ADARB2: variants seen among roughly 807,000 people sequenced by gnomAD.
ADARB2 encodes inactive double-stranded RNA-specific editase B2.
Under a neutral mutation model 62.2 loss-of-function variants are expected in ADARB2, and 25 were observed. The observed-to-expected ratio is 0.40, with a 90% CI of 0.29 to 0.56. The LOEUF (loss-of-function observed/expected upper bound fraction) is 0.56. Ranked by LOEUF, ADARB2 falls within the 20% of genes least tolerant of loss-of-function variation. The pLI, the probability that ADARB2 is intolerant of heterozygous loss-of-function variation, is 0.43. For synonymous variants in ADARB2, 572 were observed against 500.8 expected (o/e 1.14, Z -1.90); for missense variants, 1,071 against 1,077.4 (o/e 0.99, Z 0.08).
At chr10:1,226,979 G>T (rs1327959960) in intron 6 of ADARB2, among the ~76,000 whole-genome samples, 4 of 152,244 alleles carry the variant, frequency 2.6e-5, no homozygotes, top group African/African-American at 9.6e-5. Context: ...CTTTTTGTTT[G>T]TCTGTTCCCT....
intron 1 of ADARB2, among the ~76,000 whole-genome samples, chr10:1,675,722 G>A (rs1411911648): frequency 2.0e-5 from 3 of 152,148 alleles, no homozygotes; most frequent in Admixed American, 6.5e-5. Context: ...ATGCATGGAT[G>A]TTCTGGCTGA....
intron 3 of ADARB2, among the ~76,000 whole-genome samples, chr10:1,346,397 G>A (rs1832081532): frequency 1.3e-5 from 2 of 152,166 alleles, no homozygotes; most frequent in African/African-American, 2.4e-5. Context: ...TGTGAACACA[G>A]GTGCCCTCCA....
intron 1 of ADARB2, among the ~76,000 whole-genome samples, chr10:1,469,531 A>G (rs998820387): frequency 2.0e-4 from 30 of 152,262 alleles, no homozygotes; most frequent in Admixed American, 7.2e-4. Context: ...GTCCCAAATT[A>G]TGAAAACCTC....
intron 3 of ADARB2, among the ~76,000 whole-genome samples, chr10:1,333,950 T>A (rs1831950840): frequency 6.6e-6 from 1 of 152,216 alleles, no homozygotes. Context: ...ACCCCAGTGG[T>A]CTTTTTACAA....
At chr10:1,428,863 G>GGA (rs1830746430) in intron 1 of ADARB2, among the ~76,000 whole-genome samples, 1 of 149,026 alleles carries the variant, frequency 6.7e-6, no homozygotes, top group Admixed American at 6.7e-5. Flanking sequence ...ATACACACAC[G>GGA]GACACACACA....
At chr10:1,615,967 C>T (rs1243527669) in intron 1 of ADARB2, among the ~76,000 whole-genome samples, 1 of 152,180 alleles carries the variant, frequency 6.6e-6, no homozygotes, top group East Asian at 1.9e-4. Context: ...AAATTGGATT[C>T]TACTAGAAGG....
rs1476483636 is a variant in ADARB2 at position 1,540,489 on chromosome 10, TCAGACCC to T, written c.101-161336_101-161330del. ...CGCCCAGACCCCACTCAGACGTAGT[TCAGACCC>T]TGGATCACAGCCGCCCAGACCCCAC... is the stretch of plus-strand genomic sequence containing the variant. On this transcript the variant is annotated intron_variant, in intron 1 of 9. Coordinates refer to ENST00000381312, the MANE Select transcript of ADARB2 (RefSeq NM_018702.4). Among the ~76,000 whole-genome samples, 193 of 116,412 alleles carry T rather than the reference TCAGACCC, an allele frequency of 1.7e-3. 3 individuals carry two copies. The highest frequency in any genetic ancestry group is 3.7e-3 in the African/African-American group (125 of 33,458). The allele number at this position is 116,412 out of a possible 152,430, so 76.4% of individuals were successfully genotyped here. A position where few individuals can be genotyped will look rare whatever the true frequency, so the allele number is the denominator to read the frequency against.
intron 1 of ADARB2, among the ~76,000 whole-genome samples, chr10:1,543,159 G>A (rs935920974): frequency 7.2e-5 from 11 of 152,210 alleles, no homozygotes; most frequent in African/African-American, 1.2e-4. Flanking sequence ...GCGTTCCCAC[G>A]GTGCAGGATG....
At chr10:1,657,959 G>GAT (rs1834192922) in intron 1 of ADARB2, among the ~76,000 whole-genome samples, 1 of 147,788 alleles carries the variant, frequency 6.8e-6, no homozygotes, top group Admixed American at 6.9e-5. Context: ...GTCTGTGTCT[G>GAT]CCTCAGTCTC....
At chr10:1,695,642 C>A (rs1834729732) in intron 1 of ADARB2, among the ~76,000 whole-genome samples, 1 of 151,932 alleles carries the variant, frequency 6.6e-6, no homozygotes, top group South Asian at 2.1e-4. Flanking sequence ...CATGTATACA[C>A]ATAAACATGC....
At chr10:1,311,843 T>G (rs566073774) in intron 3 of ADARB2, among the ~76,000 whole-genome samples, 12 of 152,324 alleles carry the variant, frequency 7.9e-5, no homozygotes, top group African/African-American at 2.6e-4. Flanking sequence ...CTGGAGCCAA[T>G]GGGCTGGATC....
chr10:1,696,281 T>C (rs1253817093), intron 1 of ADARB2, among the ~76,000 whole-genome samples: 2 of 151,402 alleles, frequency 1.3e-5, no homozygotes, highest in Non-Finnish European at 2.9e-5. Flanking sequence ...TTTGTGTGTA[T>C]GCACGTGTGT....
In ADARB2 at chr10:1,178,017, G is replaced by A. The variant is rs1836611616; in HGVS notation, c.*5176C>T. The A allele has an allele frequency of 6.6e-6, 1 of 152,212 alleles. No homozygotes were observed. The highest frequency in any genetic ancestry group is 2.1e-4 in the South Asian group (1 of 4,832). The allele number at this position is 152,212 out of a possible 1,614,324, so 9.4% of individuals were successfully genotyped here. A position where few individuals can be genotyped will look rare whatever the true frequency, so the allele number is the denominator to read the frequency against. ...AGATGTGGCCACCAGCGTTCCTTCTGGTGGGAGGTCAGAACATGTGGACAC... is the reference window on the plus strand; with the variant it reads ...AGATGTGGCCACCAGCGTTCCTTCTAGTGGGAGGTCAGAACATGTGGACAC... On this transcript the variant is annotated 3_prime_UTR_variant, in exon 10 of 10. Coordinates refer to ENST00000381312, the MANE Select transcript of ADARB2 (RefSeq NM_018702.4).
At chr10:1,612,790 C>A (rs536139711) in intron 1 of ADARB2, among the ~76,000 whole-genome samples, 2 of 152,294 alleles carry the variant, frequency 1.3e-5, no homozygotes, top group Non-Finnish European at 2.9e-5. Context: ...ATAAGGGCTA[C>A]GTTGTATAAG....
At chr10:1,428,836 C>T (rs2820654) in intron 1 of ADARB2, among the ~76,000 whole-genome samples, 8 of 151,906 alleles carry the variant, frequency 5.3e-5, no homozygotes, top group East Asian at 3.9e-4. Context: ...CACACACACA[C>T]GCAATCCCAC....
Position 1,217,128 on chromosome 10 carries a change from T to C in ADARB2, c.1514-9A>G. 6.4e-7 allele frequency: 1 copy of C among 1,573,844 alleles called. No homozygotes were observed. The highest frequency in any genetic ancestry group is 8.6e-7 in the Non-Finnish European group (1 of 1,159,178). ...GTGTTTGCTGCTGTGCACTAGGAGA[T>C]AAAAGGGCGGGGAGGGGTGAGAAGA... On this transcript the variant is annotated splice_polypyrimidine_tract_variant and intron_variant, in intron 6 of 9. Coordinates refer to ENST00000381312, the MANE Select transcript of ADARB2 (RefSeq NM_018702.4).
At chr10:1,301,018 C>T (rs564100310) in intron 3 of ADARB2, among the ~76,000 whole-genome samples, 1 of 152,220 alleles carries the variant, frequency 6.6e-6, no homozygotes, top group Non-Finnish European at 1.5e-5. Context: ...GTGGTGTCAT[C>T]TCCCACTTAA....
chr10:1,663,431 C>T (rs1012814253), intron 1 of ADARB2, among the ~76,000 whole-genome samples: 21 of 152,182 alleles, frequency 1.4e-4, no homozygotes, highest in South Asian at 2.1e-4. Context: ...CTCCGTGCTC[C>T]GCCTGCTCAT....
intron 1 of ADARB2, among the ~76,000 whole-genome samples, chr10:1,437,727 G>A (rs781511169): frequency 2.0e-5 from 3 of 151,448 alleles, no homozygotes; most frequent in Non-Finnish European, 4.4e-5. Flanking sequence ...CAGCGATAGC[G>A]GGTCCTGTGG....
Sources: gnomAD v4.1 joint callset for allele counts (sites outside exome capture counted in the v4.1 genomes callset) on GRCh38, gnomAD v4.1.1 for gene constraint, MANE v1.5 for transcripts, NCBI Gene and HGNC (gene_info 2026-07-23, HGNC 2026-07-21) for gene names.